The following TAB2 variants were observed in gnomAD, a reference collection of about 807,000 sequenced individuals.
TAB2 encodes TGF-beta activated kinase 1 (MAP3K7) binding protein 2, also known as TGF-beta-activated kinase 1 and MAP3K7-binding protein 2.
A neutral mutation model predicts 65.0 loss-of-function variants in TAB2; 3 were observed. The observed-to-expected ratio is 0.05, with a 90% CI of 0.02 to 0.12. The LOEUF (loss-of-function observed/expected upper bound fraction) is 0.12. Ranked by LOEUF, TAB2 falls within the 10% of genes least tolerant of loss-of-function variation. The pLI is 1.00. For missense variants in TAB2, 623 were observed against 840.3 expected (o/e 0.74, Z 3.20); for synonymous variants, 298 against 285.1 (o/e 1.05, Z -0.46).
At chr6:149,387,610 A>C (rs1230644160) in intron 3 of TAB2, among the ~76,000 whole-genome samples, 4 of 152,164 alleles carry the variant, frequency 2.6e-5, no homozygotes, top group Admixed American at 1.3e-4. Flanking sequence ...AGTAAATTTT[A>C]GAATCAGTTT....
intron 1 of TAB2, among the ~76,000 whole-genome samples, chr6:149,320,540 T>C (rs1360912527): frequency 6.6e-6 from 1 of 152,198 alleles, no homozygotes; most frequent in Non-Finnish European, 1.5e-5. Context: ...CAAAATACTG[T>C]TTAGAGTGAA....
intron 1 of TAB2, chr6:149,247,803 C>G (rs1012185251): frequency 5.9e-5 from 9 of 152,354 alleles, no homozygotes; most frequent in Admixed American, 5.9e-4. Flanking sequence ...TTCCAAAACC[C>G]TGGGCCACGG....
At chr6:149,277,574 C>T (rs2114682360) in intron 1 of TAB2, among the ~76,000 whole-genome samples, 1 of 152,158 alleles carries the variant, frequency 6.6e-6, no homozygotes, top group East Asian at 1.9e-4. Context: ...GGGGTAGGAA[C>T]TGGGCAAATG....
rs1261458101 is a variant in TAB2, at chr6:149,379,349, A to G, written c.1434A>G (p.Pro478=). 1.9e-6 allele frequency: 3 copies of G among 1,614,090 alleles called. No individual in the cohort carries two copies. The highest frequency in any genetic ancestry group is 2.7e-5 in the African/African-American group (2 of 74,932). The change falls in exon 3 of 7, where the codon CCA becomes CCG. Residue 478 remains proline (P), a synonymous_variant. Transcript: ENST00000637181. ...CCAATAAGCCCCCTGCAGTTTCACC[A>G]GGGGTGGTGTCCCCTACCTTTGAAC... The part of the protein sequence containing the change: ...VSPNKPPAVS[P]GVVSPTFELT...
intron 1 of TAB2, among the ~76,000 whole-genome samples, chr6:149,336,770 T>G (rs1383416454): frequency 2.6e-5 from 4 of 152,108 alleles, no homozygotes; most frequent in Non-Finnish European, 5.9e-5. Context: ...AAGGAAAGTG[T>G]GGGTTGAACA....
At chr6:149,372,552 A>G (rs928918379) in intron 2 of TAB2, 2 of 152,170 alleles carry the variant, frequency 1.3e-5, no homozygotes, top group African/African-American at 2.4e-5. Flanking sequence ...TTGGGCATCT[A>G]GTAATATCAC....
intron 3 of TAB2, among the ~76,000 whole-genome samples, chr6:149,391,992 A>G (rs1389580038): frequency 6.6e-6 from 1 of 152,122 alleles, no homozygotes; most frequent in African/African-American, 2.4e-5. Context: ...TTATGGGTAC[A>G]ATAGTGTCTT....
chr6:149,409,906 G>C lies in TAB2; in HGVS notation c.*187G>C, dbSNP rs1782791044. 1 of 672,916 alleles carries C rather than the reference G, an allele frequency of 1.5e-6. No individual in the cohort carries two copies. The highest frequency in any genetic ancestry group is 2.7e-5 in the Admixed American group (1 of 37,662). 41.7% of individuals were successfully genotyped at this position (672,916 alleles called of 1,614,324 possible). ...CCTCAGTATAATGTCATGAGCAGTT[G>C]AAATTCATCACATGAAAAGTAATCT... On this transcript the variant is annotated 3_prime_UTR_variant, in exon 7 of 7. Coordinates refer to ENST00000637181, the MANE Select transcript of TAB2 (RefSeq NM_001292034.3).
At chr6:149,317,425 C>G (rs1779285221), upstream of TAB2, 2 of 174,144 alleles carry the variant, frequency 1.1e-5, no homozygotes, top group African/African-American at 2.4e-5. The surrounding 1 kb of genome is among the most constrained non-coding windows in gnomAD (Gnocchi z 4.7). Flanking sequence ...GCAGCCGCCG[C>G]CGCCGCCGCC....
intron 1 of TAB2, among the ~76,000 whole-genome samples, chr6:149,240,049 AGG>A (rs1777569517): frequency 6.6e-6 from 1 of 152,194 alleles, no homozygotes; most frequent in African/African-American, 2.4e-5. Flanking sequence ...AAGCAGCAGC[AGG>A]AGTTTCAGTT....
chr6:149,281,389 T>C (rs1479912240), intron 1 of TAB2, among the ~76,000 whole-genome samples: 1 of 151,456 alleles, frequency 6.6e-6, no homozygotes. Context: ...TTATAACCAA[T>C]AATCCAGCAA....
In TAB2 at chr6:149,379,063, G is replaced by A. The variant is rs372759414; in HGVS notation, c.1148G>A (p.Ser383Asn). 1.2e-6 allele frequency: 2 copies of A among 1,614,014 alleles called. No individual in the cohort carries two copies. Among genetic ancestry groups the A allele is most frequent in the Non-Finnish European group, 8.5e-7 (1 of 1,180,038 alleles). The change falls in exon 3 of 7, where the codon AGT becomes AAT. Residue 383 changes from serine (S) to asparagine (N), a missense_variant. Physicochemically the swap from Ser to Asn is conservative, Grantham distance 46. Coordinates refer to ENST00000637181, the MANE Select transcript of TAB2 (RefSeq NM_001292034.3). ...AATACGGATGAGCTGATGTCCCGTAGTCAACCTAAGGTCTATATTTCAGCG... is the reference window on the plus strand; with the variant it reads ...AATACGGATGAGCTGATGTCCCGTAATCAACCTAAGGTCTATATTTCAGCG... ...PPNTDELMSRSQPKVYISANA... is the reference protein window; with the variant it reads ...PPNTDELMSRNQPKVYISANA...
intron 1 of TAB2, among the ~76,000 whole-genome samples, chr6:149,273,866 A>G (rs1372498023): frequency 2.0e-5 from 3 of 152,208 alleles, no homozygotes; most frequent in African/African-American, 7.2e-5. Flanking sequence ...GTTTTACATG[A>G]GATGTGAGAT....
Position 149,323,679 on chromosome 6 carries a change from A to G in TAB2, c.-90+5664A>G, listed in dbSNP as rs150896542. On this transcript the variant is annotated intron_variant, in intron 1 of 6. Coordinates refer to ENST00000637181, the MANE Select transcript of TAB2 (RefSeq NM_001292034.3). ...CTGTAAGTTATCCTCTACCTAAAGA[A>G]TAATAATTTTAGCTTTCCCCAAACT... is the stretch of plus-strand genomic sequence containing the variant. Among the ~76,000 whole-genome samples, 764 of 152,296 alleles carry G rather than the reference A, an allele frequency of 5.0e-3. 8 individuals are homozygous for G. The highest frequency in any genetic ancestry group is 0.018 in the African/African-American group (740 of 41,572).
upstream of TAB2, among the ~76,000 whole-genome samples, chr6:149,313,691 G>C (rs1223027179): frequency 6.6e-6 from 1 of 151,978 alleles, no homozygotes; most frequent in Non-Finnish European, 1.5e-5. Context: ...TAGTCATTTG[G>C]CTCAAACCCT....
At chr6:149,363,048 A>G (rs1441334489) in intron 1 of TAB2, among the ~76,000 whole-genome samples, 1 of 152,158 alleles carries the variant, frequency 6.6e-6, no homozygotes, top group Non-Finnish European at 1.5e-5. Flanking sequence ...CCTGAATACC[A>G]CTACAGGAAG....
intron 1 of TAB2, chr6:149,346,514 TG>T (rs1780309445): frequency 7.0e-6 from 1 of 142,886 alleles, no homozygotes; most frequent in African/African-American, 2.6e-5. Flanking sequence ...AGTGCAATGG[TG>T]TGATCTCGGC....
At chr6:149,284,701 TAAAC>T (rs1778638468) in intron 1 of TAB2, among the ~76,000 whole-genome samples, 1 of 147,598 alleles carries the variant, frequency 6.8e-6, no homozygotes, top group South Asian at 2.1e-4. Flanking sequence ...CACAAGAATA[TAAAC>T]AATCTATCCC....
rs778576422 is a variant in TAB2, at chr6:149,379,239, G to T, written c.1324G>T (p.Ala442Ser). 6.2e-7 allele frequency: 1 copy of T among 1,614,168 alleles called. No individual in the cohort carries two copies. Among genetic ancestry groups the T allele is most frequent in the Non-Finnish European group, 8.5e-7 (1 of 1,180,044 alleles). ...FIHHHPPKSR[A>S]IGNNSATSPR... is the part of the protein sequence containing the mutation. ...TCATCACCATCCTCCCAAAAGTCGA[G>T]CAATAGGCAATAACTCTGCAACCTC... The change falls in exon 3 of 7, where the codon GCA (alanine) becomes TCA (serine). Residue 442 changes from alanine (A) to serine (S), a missense_variant. Ala to Ser is a moderately conservative substitution (Grantham distance 99). Around this residue, in one of 3 missense-constraint regions of TAB2, gnomAD observed 550 missense variants for 665.7 expected, o/e 0.83. Coordinates refer to ENST00000637181, the MANE Select transcript of TAB2 (RefSeq NM_001292034.3).
Sources: gnomAD v4.1 joint callset for allele counts (sites outside exome capture counted in the v4.1 genomes callset) on GRCh38, gnomAD v4.1.1 for gene constraint, gnomAD v4.1.1 regional missense constraint, Gnocchi (gnomAD v3.1) non-coding constraint, MANE v1.5 for transcripts, NCBI Gene and HGNC (gene_info 2026-07-23, HGNC 2026-07-21) for gene names.